The following GKAP1 variants were observed in gnomAD, a reference collection of about 807,000 sequenced individuals.
GKAP1 encodes G kinase-anchoring protein 1.
A neutral mutation model predicts 56.7 loss-of-function variants in GKAP1; 31 were observed. That is an observed-to-expected ratio of 0.55 (90% CI 0.41 to 0.74). The LOEUF (loss-of-function observed/expected upper bound fraction) is 0.74, where lower values mean the gene tolerates loss of function less well. Ranked by LOEUF, GKAP1 falls within the 30% of genes least tolerant of loss-of-function variation. The probability of loss-of-function intolerance (pLI) is 0.00; values close to 1 mark genes in which losing one functional copy is unlikely to be tolerated. For missense variants in GKAP1, 364 were observed against 402.3 expected (o/e 0.90, Z 0.82); for synonymous variants, 151 against 138.6 (o/e 1.09, Z -0.63).
intron 3 of GKAP1, among the ~76,000 whole-genome samples, chr9:83,801,888 T>A (rs1007316227): frequency 6.6e-6 from 1 of 152,204 alleles, no homozygotes; most frequent in Non-Finnish European, 1.5e-5. Flanking sequence ...ACTGTGTGGA[T>A]AGCATTTTAA....
intron 5 of GKAP1, among the ~76,000 whole-genome samples, chr9:83,786,450 A>G (rs1944065108): frequency 6.6e-6 from 1 of 152,054 alleles, no homozygotes; most frequent in South Asian, 2.1e-4. Flanking sequence ...CTGAGGCAGG[A>G]GAATCACTTG....
chr9:83,786,489 C>T (rs11140249), intron 5 of GKAP1, among the ~76,000 whole-genome samples: 81,618 of 150,768 alleles, frequency 0.54, 22,917 homozygotes, highest in Admixed American at 0.69. Context: ...TGTGGTGAAC[C>T]GAGATTGCGC....
At chr9:83,743,463 C>T (rs946438620) in intron 10 of GKAP1, among the ~76,000 whole-genome samples, 8 of 152,074 alleles carry the variant, frequency 5.3e-5, no homozygotes, top group Non-Finnish European at 1.2e-4. Flanking sequence ...GGTATGGTGG[C>T]ACATTCTTGT....
intron 9 of GKAP1, among the ~76,000 whole-genome samples, chr9:83,749,614 A>G (rs1360756491): frequency 1.3e-5 from 2 of 152,200 alleles, no homozygotes; most frequent in African/African-American, 2.4e-5. Flanking sequence ...ACCCTAAAGA[A>G]AACATTAATA....
chr9:83,779,524 C>CATATAT (rs1564201699), intron 7 of GKAP1, among the ~76,000 whole-genome samples: 3 of 120,314 alleles, frequency 2.5e-5, no homozygotes, highest in Non-Finnish European at 5.0e-5. Flanking sequence ...TATATATACA[C>CATATAT]GTGTATATGT....
At chr9:83,815,267 CAGG>C (rs1251462392) in intron 2 of GKAP1, among the ~76,000 whole-genome samples, 3 of 151,854 alleles carry the variant, frequency 2.0e-5, no homozygotes, top group Non-Finnish European at 4.4e-5. Flanking sequence ...AAGCTACAAG[CAGG>C]AGAATTTTTT....
rs1944442249 is a variant in GKAP1, at chr9:83,806,508, C to A, written c.10G>T (p.Ala4Ser). 2 of 1,610,808 alleles carry A rather than the reference C, an allele frequency of 1.2e-6. No homozygotes were observed. The highest frequency in any genetic ancestry group is 2.7e-5 in the African/African-American group (2 of 74,880). Residue 4 changes from alanine (A) to serine (S), a missense_variant, in exon 3 of 13, where the codon GCA becomes TCA. Ala to Ser is a moderately conservative substitution (Grantham distance 99). Transcript: ENST00000376371. MAS[A>S]VLSSVPTTAS... ...GTGGTGGGAACAGAACTAAGTACTG[C>A]TGAGGCCATCGTAAAGATTTTTCTT... is the stretch of plus-strand genomic sequence containing the variant.
intron 8 of GKAP1, among the ~76,000 whole-genome samples, chr9:83,755,584 C>T (rs532249951): frequency 1.3e-5 from 2 of 151,314 alleles, no homozygotes; most frequent in South Asian, 4.2e-4. Flanking sequence ...GAATAAGAAG[C>T]CCTTCTGAAA....
chr9:83,797,240 C>A (rs1441970161), intron 4 of GKAP1, among the ~76,000 whole-genome samples: 1 of 152,182 alleles, frequency 6.6e-6, no homozygotes, highest in Non-Finnish European at 1.5e-5. Context: ...TCGTGTTTGA[C>A]ATAAGCAGCC....
chr9:83,772,922 A>G (rs940247337), intron 7 of GKAP1, among the ~76,000 whole-genome samples: 1 of 152,218 alleles, frequency 6.6e-6, no homozygotes, highest in African/African-American at 2.4e-5. Flanking sequence ...AAAACAAGAG[A>G]TAATATCAAG....
Position 83,803,981 on chromosome 9 carries a change from C to T in GKAP1, c.216+2321G>A, listed in dbSNP as rs904932417. The stretch of plus-strand genomic sequence containing the variant: ...GAGGTGAGGAGCGTCTCTGCCCAGC[C>T]GCCCCGTCTGAGAAGTGAGGAGACC... On this transcript the variant is annotated intron_variant, in intron 3 of 12. Transcript: ENST00000376371. Among the ~76,000 whole-genome samples, 6 of 150,394 alleles carry T rather than the reference C, an allele frequency of 4.0e-5. No individual in the cohort carries two copies. In the South Asian group the frequency reaches 8.4e-4, roughly 21 times the overall value.
At chr9:83,780,715 C>T (rs532297276) in intron 6 of GKAP1, among the ~76,000 whole-genome samples, 35 of 152,158 alleles carry the variant, frequency 2.3e-4, no homozygotes, top group Non-Finnish European at 4.3e-4. Flanking sequence ...TTTGGTTCCA[C>T]ATAATTTGGG....
rs769675321 is a variant in GKAP1, at chr9:83,761,857, G to A, written c.738+6961C>T. 6.6e-5 allele frequency among the ~76,000 whole-genome samples: 9 copies of A among 137,096 alleles called. No homozygotes were observed. In the South Asian group the frequency reaches 1.6e-3, roughly 25 times the overall value. The allele number at this position is 137,096 out of a possible 152,430, so 89.9% of individuals were successfully genotyped here. On this transcript the variant is annotated intron_variant, in intron 8 of 12. Coordinates refer to ENST00000376371, the MANE Select transcript of GKAP1 (RefSeq NM_025211.4). Reference sequence around the variant, plus strand: ...AAAGCATTTGATAAAATTCAACATCGCTTCATGATAAAAACCTTCAAAAAA... The same window carrying A: ...AAAGCATTTGATAAAATTCAACATCACTTCATGATAAAAACCTTCAAAAAA...
At chr9:83,753,986 A>G (rs1247054600) in intron 8 of GKAP1, among the ~76,000 whole-genome samples, 1 of 152,226 alleles carries the variant, frequency 6.6e-6, no homozygotes, top group Admixed American at 6.5e-5. Flanking sequence ...GAACTTAAAA[A>G]GATAGTAAAG....
At chr9:83,803,292 T>C (rs903159707) in intron 3 of GKAP1, among the ~76,000 whole-genome samples, 4 of 149,652 alleles carry the variant, frequency 2.7e-5, no homozygotes, top group Admixed American at 2.7e-4. Flanking sequence ...ACGGTCTCCC[T>C]CTGATGCCGA....
intron 4 of GKAP1, among the ~76,000 whole-genome samples, chr9:83,790,387 G>A (rs546249895): frequency 6.6e-6 from 1 of 152,156 alleles, no homozygotes; most frequent in South Asian, 2.1e-4. Context: ...ATGGTTATAA[G>A]GTAAAAGGAA....
intron 8 of GKAP1, among the ~76,000 whole-genome samples, chr9:83,764,829 C>T (rs1458248182): frequency 6.6e-6 from 1 of 152,120 alleles, no homozygotes; most frequent in Non-Finnish European, 1.5e-5. Context: ...CTTAGCGTAT[C>T]TGGTGAAAGA....
intron 2 of GKAP1, among the ~76,000 whole-genome samples, chr9:83,807,357 T>C (rs1944454137): frequency 6.6e-6 from 1 of 152,184 alleles, no homozygotes; most frequent in Non-Finnish European, 1.5e-5. Flanking sequence ...GGACCTAGAT[T>C]TGTTGAACCT....
chr9:83,763,934 A>G (rs1301878446), intron 8 of GKAP1, among the ~76,000 whole-genome samples: 2 of 152,182 alleles, frequency 1.3e-5, no homozygotes, highest in African/African-American at 2.4e-5. Context: ...CTACTTAATT[A>G]TTTAAACTTG....
Sources: gnomAD v4.1 joint callset for allele counts (sites outside exome capture counted in the v4.1 genomes callset) on GRCh38, gnomAD v4.1.1 for gene constraint, MANE v1.5 for transcripts, NCBI Gene and HGNC (gene_info 2026-07-23, HGNC 2026-07-21) for gene names.